GATAD2B: variants seen among roughly 807,000 people sequenced by gnomAD.
The protein encoded by GATAD2B is GATA zinc finger domain containing 2B.
Under a neutral mutation model 64.3 loss-of-function variants are expected in GATAD2B, and 8 were observed. The ratio of observed to expected loss-of-function variants is 0.12; its 90% CI spans 0.07 to 0.22. GATAD2B has a LOEUF of 0.22. GATAD2B is among the 10% of genes least tolerant of loss of function. GATAD2B has a pLI of 1.00. For synonymous variants in GATAD2B, 281 were observed against 271.3 expected, an observed-to-expected ratio of 1.04 and a Z score of -0.35; for missense variants, 453 against 752.0, an observed-to-expected ratio of 0.60 and a Z score of 4.65.
chr1:153,918,933 A>G (rs1452254385), intron 1 of GATAD2B, among the ~76,000 whole-genome samples: 1 of 152,052 alleles, frequency 6.6e-6, no homozygotes, highest in African/African-American at 2.4e-5. Context: ...CCTGGGCAAC[A>G]AGAGCAAAAC....
intron 8 of GATAD2B, 117 bp from the exon 9 acceptor site, chr1:153,812,249 G>A (rs1674318917): frequency 1.6e-6 from 1 of 619,328 alleles, no homozygotes; most frequent in Admixed American, 2.8e-5. Context: ...AGGCTGGTCT[G>A]GCACTCCTGG....
intron 1 of GATAD2B, among the ~76,000 whole-genome samples, chr1:153,901,654 T>C (rs888177570): frequency 2.7e-5 from 4 of 150,818 alleles, no homozygotes; most frequent in Middle Eastern, 3.4e-3. Flanking sequence ...GTGAAACCCA[T>C]CTCTACTAAA....
rs1430579605 is a variant in GATAD2B, at chr1:153,805,640, C to T, written c.*4537G>A. ...TCCTCCCTGGTTTCTGGGCCCAACACTTTCCTCACCTCAAGTTGTTTTTTG... is the reference window on the plus strand; with the variant it reads ...TCCTCCCTGGTTTCTGGGCCCAACATTTTCCTCACCTCAAGTTGTTTTTTG... On this transcript the variant is annotated 3_prime_UTR_variant, in exon 11 of 11. Coordinates refer to ENST00000368655, the MANE Select transcript of GATAD2B (RefSeq NM_020699.4). 6.6e-6 allele frequency: 1 copy of T among 152,212 alleles called. No individual in the cohort carries two copies. The highest frequency in any genetic ancestry group is 1.9e-4 in the East Asian group (1 of 5,198). The allele number at this position is 152,212 out of a possible 1,614,324, so 9.4% of individuals were successfully genotyped here. A position where few individuals can be genotyped will look rare whatever the true frequency, so the allele number is the denominator to read the frequency against.
chr1:153,888,513 C>G (rs1217109901), intron 1 of GATAD2B, among the ~76,000 whole-genome samples: 1 of 152,212 alleles, frequency 6.6e-6, no homozygotes, highest in Non-Finnish European at 1.5e-5. Context: ...TTCATTCACT[C>G]CGATCTGTAC....
chr1:153,837,706 A>G (rs927667476), intron 1 of GATAD2B, among the ~76,000 whole-genome samples: 1 of 152,192 alleles, frequency 6.6e-6, no homozygotes, highest in Non-Finnish European at 1.5e-5. Context: ...TGATGGTTGC[A>G]CAACTTTGTA....
chr1:153,890,635 C>G (rs1362638731), intron 1 of GATAD2B: 1 of 152,092 alleles, frequency 6.6e-6, no homozygotes, highest in African/African-American at 2.4e-5. Context: ...AGTTGATCAA[C>G]TCTAGGCTCC....
chr1:153,873,886 C>A (rs187416990), intron 1 of GATAD2B, among the ~76,000 whole-genome samples: 3 of 151,844 alleles, frequency 2.0e-5, no homozygotes, highest in Admixed American at 2.0e-4. Context: ...GAGTTCAAGG[C>A]TACAATAAGC....
chr1:153,881,328 A>G (rs1416486617), intron 1 of GATAD2B, among the ~76,000 whole-genome samples: 1 of 152,214 alleles, frequency 6.6e-6, no homozygotes, highest in Non-Finnish European at 1.5e-5. Context: ...AATTTTAAAA[A>G]GGGGAGGAAG....
intron 1 of GATAD2B, among the ~76,000 whole-genome samples, chr1:153,922,469 T>G (rs1243329419): frequency 7.4e-6 from 1 of 134,536 alleles, no homozygotes; most frequent in Admixed American, 7.8e-5. Flanking sequence ...AAAGACCGGG[T>G]CGCGCGCGCC....
intron 1 of GATAD2B, among the ~76,000 whole-genome samples, chr1:153,891,168 C>T (rs1404454428): frequency 1.4e-5 from 2 of 139,088 alleles, no homozygotes; most frequent in Non-Finnish European, 3.1e-5. Flanking sequence ...TGGGCGACAG[C>T]GAGATTCCGC....
intron 2 of GATAD2B, among the ~76,000 whole-genome samples, chr1:153,826,445 A>G (rs1252540775): frequency 6.6e-6 from 1 of 152,086 alleles, no homozygotes; most frequent in Non-Finnish European, 1.5e-5. Flanking sequence ...CCGGGCTACC[A>G]TGGTGAAACC....
intron 7 of GATAD2B, among the ~76,000 whole-genome samples, chr1:153,815,733 G>C (rs896122350): frequency 2.6e-5 from 4 of 152,078 alleles, no homozygotes; most frequent in African/African-American, 9.7e-5. Flanking sequence ...AGATTAGATA[G>C]ATAGATAGAT....
At chr1:153,842,825 T>A (rs900962941) in intron 1 of GATAD2B, among the ~76,000 whole-genome samples, 5 of 152,090 alleles carry the variant, frequency 3.3e-5, no homozygotes, top group African/African-American at 1.2e-4. Flanking sequence ...GCTAATTTTT[T>A]TGTATTTTTA....
chr1:153,882,046 G>A (rs977983247), intron 1 of GATAD2B, among the ~76,000 whole-genome samples: 1 of 152,108 alleles, frequency 6.6e-6, no homozygotes, highest in African/African-American at 2.4e-5. Flanking sequence ...GGGACAGGAG[G>A]GAGGGAGAGA....
At chr1:153,880,324 G>A (rs891513120) in intron 1 of GATAD2B, among the ~76,000 whole-genome samples, 13 of 151,916 alleles carry the variant, frequency 8.6e-5, no homozygotes, top group African/African-American at 1.7e-4. Flanking sequence ...AAAATTAGCC[G>A]GGTGTGGTGG....
chr1:153,823,237 T>C (rs556196104), intron 2 of GATAD2B, among the ~76,000 whole-genome samples: 1 of 152,186 alleles, frequency 6.6e-6, no homozygotes. Context: ...ATTAGAGAGA[T>C]ATTATTAAAA....
At chr1:153,833,990 GTTTT>G (rs375520483) in intron 1 of GATAD2B, among the ~76,000 whole-genome samples, 4 of 147,360 alleles carry the variant, frequency 2.7e-5, no homozygotes, top group African/African-American at 1.0e-4. Flanking sequence ...TTTTTTTTAT[GTTTT>G]TTTTTGGTTG....
intron 1 of GATAD2B, chr1:153,889,632 G>A (rs750266709): frequency 2.1e-4 from 129 of 606,192 alleles, no homozygotes; most frequent in Non-Finnish European, 2.5e-4. Flanking sequence ...CAGCTGGCAA[G>A]AGGAAAGTTG....
chr1:153,815,468 C>A (rs1043592158), intron 7 of GATAD2B, among the ~76,000 whole-genome samples: 1 of 148,508 alleles, frequency 6.7e-6, no homozygotes, highest in Non-Finnish European at 1.5e-5. Context: ...TTTTTTTTTA[C>A]TAATGTTATA....
Sources: allele counts gnomAD v4.1 joint callset (sites outside exome capture counted in the v4.1 genomes callset), GRCh38; gene constraint gnomAD v4.1.1; transcripts MANE v1.5; gene names NCBI Gene and HGNC (gene_info 2026-07-23, HGNC 2026-07-21).